Variants in TMTC2 observed in about 807,000 individuals in gnomAD.
TMTC2 encodes transmembrane O-mannosyltransferase targeting cadherins 2.
A neutral mutation model predicts 82.4 loss-of-function variants in TMTC2; 43 were observed. The ratio of observed to expected loss-of-function variants is 0.52; its 90% CI spans 0.41 to 0.67. The LOEUF (loss-of-function observed/expected upper bound fraction) is 0.67. Ranked by LOEUF, TMTC2 falls within the 30% of genes least tolerant of loss-of-function variation. TMTC2 has a pLI of 0.00. For synonymous variants in TMTC2, 408 were observed against 381.9 expected, an observed-to-expected ratio of 1.07 and a Z score of -0.80; for missense variants, 919 against 1,012.4, an observed-to-expected ratio of 0.91 and a Z score of 1.25.
intron 1 of TMTC2, among the ~76,000 whole-genome samples, chr12:82,740,091 G>A (rs1026666342): frequency 6.6e-6 from 1 of 152,094 alleles, no homozygotes; most frequent in African/African-American, 2.4e-5. Flanking sequence ...ATATTCAGAT[G>A]GGAAAGTTTA....
At chr12:82,801,521 A>G (rs1346109519) in intron 1 of TMTC2, among the ~76,000 whole-genome samples, 1 of 152,052 alleles carries the variant, frequency 6.6e-6, no homozygotes, top group East Asian at 1.9e-4. Context: ...TTTTACAGAG[A>G]GCCGATTGGT....
intron 7 of TMTC2, among the ~76,000 whole-genome samples, chr12:82,983,675 G>C (rs1345647743): frequency 2.0e-5 from 3 of 151,896 alleles, no homozygotes; most frequent in African/African-American, 7.2e-5. Flanking sequence ...TAAATACAAT[G>C]GTTGTACAAC....
intron 1 of TMTC2, among the ~76,000 whole-genome samples, chr12:82,796,902 C>T (rs1172587079): frequency 6.6e-6 from 1 of 152,088 alleles, no homozygotes; most frequent in Non-Finnish European, 1.5e-5. Flanking sequence ...AAAGTTCCTA[C>T]TTCATATTTT....
chr12:82,845,949 T>G (rs967121664), intron 1 of TMTC2, among the ~76,000 whole-genome samples: 9 of 151,944 alleles, frequency 5.9e-5, no homozygotes, highest in Non-Finnish European at 1.0e-4. Context: ...GTTTGTTTTT[T>G]TTTTTTTTGA....
At chr12:82,996,390 C>T (rs998999310) in intron 8 of TMTC2, among the ~76,000 whole-genome samples, 1 of 152,154 alleles carries the variant, frequency 6.6e-6, no homozygotes, top group Non-Finnish European at 1.5e-5. Context: ...AGCCAGAGCA[C>T]CTGAGCACTT....
intron 1 of TMTC2, among the ~76,000 whole-genome samples, chr12:82,732,564 C>T (rs1468921798): frequency 1.3e-5 from 2 of 152,048 alleles, no homozygotes; most frequent in Non-Finnish European, 1.5e-5. Flanking sequence ...AGGATGGTCT[C>T]GATCTCCTGA....
At chr12:82,898,714 G>T (rs1413208389) in intron 3 of TMTC2, among the ~76,000 whole-genome samples, 1 of 152,150 alleles carries the variant, frequency 6.6e-6, no homozygotes, top group African/African-American at 2.4e-5. Flanking sequence ...GGCAAATGGT[G>T]GGTGTACCCG....
intron 11 of TMTC2, among the ~76,000 whole-genome samples, chr12:83,103,328 A>G (rs887700626): frequency 6.6e-6 from 1 of 152,208 alleles, no homozygotes; most frequent in African/African-American, 2.4e-5. Context: ...CATTGCTGCT[A>G]TGACGAAATG....
chr12:83,071,772 G>A (rs1363212707), intron 11 of TMTC2, among the ~76,000 whole-genome samples: 1 of 151,700 alleles, frequency 6.6e-6, no homozygotes, highest in East Asian at 1.9e-4. Context: ...TCTCTTCTAG[G>A]TTTTCTAATT....
chr12:83,024,069 A>G lies in TMTC2; in HGVS notation c.2071-6729A>G, dbSNP rs368931315. Among the ~76,000 whole-genome samples, 39 of 152,320 alleles carry G rather than the reference A, an allele frequency of 2.6e-4. 1 individual carries two copies. The South Asian group carries it at 8.1e-3, about 32-fold the overall frequency. On this transcript the variant is annotated intron_variant, in intron 8 of 11. Coordinates refer to ENST00000321196, the MANE Select transcript of TMTC2 (RefSeq NM_152588.3). ...ACTGTACTTAACATCAATGTATTGT[A>G]TAGTTCAGAAGAGCTAGAAGAGAGG...
intron 3 of TMTC2, among the ~76,000 whole-genome samples, chr12:82,916,362 C>G (rs914152830): frequency 6.6e-6 from 1 of 152,134 alleles, no homozygotes; most frequent in African/African-American, 2.4e-5. Flanking sequence ...TACTATAATA[C>G]CATGTGCTAG....
chr12:82,815,253 G>T (rs1241258669), intron 1 of TMTC2, among the ~76,000 whole-genome samples: 1 of 150,248 alleles, frequency 6.7e-6, no homozygotes, highest in African/African-American at 2.4e-5. Context: ...TGCAAGCTCC[G>T]CCTCCCGAGT....
intron 9 of TMTC2, among the ~76,000 whole-genome samples, chr12:83,038,749 C>T (rs1881770485): frequency 6.6e-6 from 1 of 151,976 alleles, no homozygotes; most frequent in African/African-American, 2.4e-5. Flanking sequence ...GAAAGCAAAA[C>T]AAACTTTTTA....
chr12:82,899,506 C>A (rs1358789277), intron 3 of TMTC2, among the ~76,000 whole-genome samples: 1 of 144,678 alleles, frequency 6.9e-6, no homozygotes, highest in Non-Finnish European at 1.5e-5. Flanking sequence ...CATCTTTTAT[C>A]TGGAATATAT....
intron 1 of TMTC2, among the ~76,000 whole-genome samples, chr12:82,762,066 A>C (rs566257099): frequency 1.5e-4 from 22 of 147,904 alleles, no homozygotes; most frequent in Non-Finnish European, 2.7e-4. Context: ...TCCTGGGTTC[A>C]AGTGATTCTC....
chr12:82,980,823 GTCAC>G (rs905672069), intron 7 of TMTC2, among the ~76,000 whole-genome samples: 1 of 151,800 alleles, frequency 6.6e-6, no homozygotes, highest in African/African-American at 2.4e-5. Flanking sequence ...TATCTGAGGT[GTCAC>G]TCACTTAATA....
chr12:82,701,268 G>T (rs571393080), intron 1 of TMTC2, among the ~76,000 whole-genome samples: 1 of 152,278 alleles, frequency 6.6e-6, no homozygotes, highest in African/African-American at 2.4e-5. Context: ...TATTGGAAAA[G>T]ATTGTGTTAA....
intron 9 of TMTC2, among the ~76,000 whole-genome samples, chr12:83,032,256 T>A (rs1881458697): frequency 1.3e-5 from 1 of 78,712 alleles, no homozygotes; most frequent in East Asian, 3.9e-4. Context: ...TAGAGAATAT[T>A]TTATATATAT....
rs563315224 is a variant in TMTC2 at position 82,843,901 on chromosome 12, T to C, written c.84-13109T>C. Among the ~76,000 whole-genome samples, 506 of 152,238 alleles carry C rather than the reference T, an allele frequency of 3.3e-3. 2 individuals carry two copies. Among genetic ancestry groups the C allele is most frequent in the Non-Finnish European group, 4.6e-3 (313 of 68,012 alleles). On this transcript the variant is annotated intron_variant, in intron 1 of 11. Transcript: ENST00000321196. Reference sequence around the variant, plus strand: ...AGGCGGAGGATGCAGTGAGCCATGATCACACCACTGCACTCCAGCCTGGGC... The same window carrying C: ...AGGCGGAGGATGCAGTGAGCCATGACCACACCACTGCACTCCAGCCTGGGC...
Sources: gnomAD v4.1 joint callset for allele counts (sites outside exome capture counted in the v4.1 genomes callset) on GRCh38, gnomAD v4.1.1 for gene constraint, MANE v1.5 for transcripts, NCBI Gene and HGNC (gene_info 2026-07-23, HGNC 2026-07-21) for gene names.